The following FGD1 variants were observed in gnomAD, a reference collection of about 807,000 sequenced individuals.
FGD1 encodes the protein FYVE, RhoGEF and PH domain containing 1.
FGD1 carries 12 observed loss-of-function variants against 65.0 expected under a neutral mutation model. The observed-to-expected ratio is 0.18, with a 90% CI of 0.12 to 0.30. The LOEUF (loss-of-function observed/expected upper bound fraction) is 0.30, where lower values mean the gene tolerates loss of function less well. FGD1 is among the 10% of genes least tolerant of loss of function. FGD1 has a pLI of 1.00. For missense variants in FGD1, 542 were observed against 837.6 expected, an observed-to-expected ratio of 0.65 and a Z score of 4.36; for synonymous variants, 333 against 343.9, an observed-to-expected ratio of 0.97 and a Z score of 0.35.
chrX:54,477,939 G>A (rs964026041), intron 1 of FGD1, among the ~76,000 whole-genome samples: 3 of 108,478 alleles, frequency 2.8e-5, no homozygotes, highest in Non-Finnish European at 5.7e-5. Context: ...CCAACATGGC[G>A]AAACACCGTC....
At chrX:54,452,431 T>C (rs755789650) in intron 12 of FGD1, among the ~76,000 whole-genome samples, 1 of 110,267 alleles carries the variant, frequency 9.1e-6, no homozygotes, top group East Asian at 2.8e-4. Context: ...AATAAGTGGT[T>C]GTACACCCTG....
At chrX:54,494,720 G>A (rs914028562) in intron 1 of FGD1, among the ~76,000 whole-genome samples, 1 of 111,348 alleles carries the variant, frequency 9.0e-6, no homozygotes, top group African/African-American at 3.3e-5. Flanking sequence ...CCAGTCCAGT[G>A]CCTGGTACAA....
intron 8 of FGD1, among the ~76,000 whole-genome samples, chrX:54,461,318 G>A (rs764631379): frequency 1.8e-5 from 2 of 109,526 alleles, no homozygotes; most frequent in African/African-American, 3.3e-5. Flanking sequence ...AATAGGGGTC[G>A]TTGGCCGGGC....
chrX:54,453,192 G>T (rs1159906315), intron 12 of FGD1, among the ~76,000 whole-genome samples: 1 of 110,958 alleles, frequency 9.0e-6, no homozygotes, highest in African/African-American at 3.3e-5. Flanking sequence ...TGGATGTGCA[G>T]GGCATCTGCT....
rs1376584350 is a variant in FGD1, at chrX:54,456,517, G to A, written c.1687C>T (p.Arg563Cys). The part of the protein sequence containing the change: ...TAAEHSNAAI[R>C]KMERMHKLLK... ...CTAGAAGGGCCACTCACCATTTTGCGGATGGCAGCATTCGAGTGCTCTGCT... is the reference window on the plus strand; with the variant it reads ...CTAGAAGGGCCACTCACCATTTTGCAGATGGCAGCATTCGAGTGCTCTGCT... The change falls in exon 9 of 18, where the codon CGC becomes TGC. Residue 563 changes from arginine to cysteine, a missense_variant. Physicochemically the swap from Arg to Cys is radical, Grantham distance 180. This residue lies in a region of FGD1 where 41 missense variants were observed against 109.5 expected (regional missense o/e 0.37). Transcript: ENST00000375135. The A allele has an allele frequency of 3.3e-6, 4 of 1,211,238 alleles. No individual in the cohort carries two copies. Among genetic ancestry groups the A allele is most frequent in the South Asian group, 3.5e-5 (2 of 56,905 alleles).
At chrX:54,475,927 G>A (rs1350699884) in intron 1 of FGD1, among the ~76,000 whole-genome samples, 2 of 111,821 alleles carry the variant, frequency 1.8e-5, no homozygotes, top group East Asian at 2.8e-4. Context: ...TTAGCTGGGC[G>A]TGGTGGCGCA....
chrX:54,453,119 C>A (rs1242651658), intron 12 of FGD1, among the ~76,000 whole-genome samples: 1 of 111,836 alleles, frequency 8.9e-6, no homozygotes, highest in Non-Finnish European at 1.9e-5. Flanking sequence ...GGCCCAGTGT[C>A]CCACTGCAGC....
chrX:54,450,955 A>C (rs1197024696), intron 12 of FGD1, among the ~76,000 whole-genome samples: 2 of 110,340 alleles, frequency 1.8e-5, no homozygotes, highest in African/African-American at 6.6e-5. Context: ...GGGCTGAGGC[A>C]TGAGAATCGC....
chrX:54,482,236 G>GCGCGCGCGCACACACACACACACA (rs796491256), intron 1 of FGD1, among the ~76,000 whole-genome samples: 2 of 99,390 alleles, frequency 2.0e-5, no homozygotes, highest in African/African-American at 7.7e-5. Context: ...GCACACGCGC[G>GCGCGCGCGCACACACACACACACA]CACACACACA....
At chrX:54,489,768 A>T (rs769260495) in intron 1 of FGD1, among the ~76,000 whole-genome samples, 1 of 111,853 alleles carries the variant, frequency 8.9e-6, no homozygotes, top group East Asian at 2.8e-4. Flanking sequence ...TGTGGAAAGC[A>T]GTTTGGTGAT....
At chrX:54,462,389 CTT>C (rs1158349272) in intron 8 of FGD1, among the ~76,000 whole-genome samples, 6 of 79,572 alleles carry the variant, frequency 7.5e-5, no homozygotes, top group African/African-American at 1.4e-4. Context: ...ACTTCCCATT[CTT>C]TTTTTTTTTT....
chrX:54,495,567 C>A lies in FGD1; in HGVS notation c.-135G>T. 1 of 356,079 alleles carries A rather than the reference C, an allele frequency of 2.8e-6. No homozygotes were observed. 29.3% of individuals were successfully genotyped at this position (356,079 alleles called of 1,213,427 possible). The stretch of plus-strand genomic sequence containing the variant: ...GGGGGCGGGACTGCGGGCTCAGCCC[C>A]ACTGCAGAGACTCAAGCCCCCAGCC... On this transcript the variant is annotated 5_prime_UTR_variant, in exon 1 of 18. Transcript: ENST00000375135.
chrX:54,450,499 C>T (rs1338434833), intron 12 of FGD1, among the ~76,000 whole-genome samples, 198 bp from the exon 13 acceptor site: 1 of 111,450 alleles, frequency 9.0e-6, no homozygotes, highest in Non-Finnish European at 1.9e-5. Context: ...CTTTCCAGAC[C>T]CTGTGCTAAG....
intron 8 of FGD1, among the ~76,000 whole-genome samples, chrX:54,460,514 G>C (rs1325780620): frequency 8.9e-6 from 1 of 112,372 alleles, no homozygotes; most frequent in Non-Finnish European, 1.9e-5. Context: ...AGGGCGAGGC[G>C]GGTGGATCAC....
At chrX:54,473,818 C>G (rs1195638171) in intron 1 of FGD1, among the ~76,000 whole-genome samples, 1 of 110,392 alleles carries the variant, frequency 9.1e-6, no homozygotes, top group Non-Finnish European at 1.9e-5. Flanking sequence ...AACTCTGTCT[C>G]TACAAAAATA....
At chrX:54,482,348 C>T (rs1308531802) in intron 1 of FGD1, among the ~76,000 whole-genome samples, 2 of 111,616 alleles carry the variant, frequency 1.8e-5, no homozygotes, top group African/African-American at 6.5e-5. Context: ...GCCTGGCCAC[C>T]TCCTCCCTGC....
At chrX:54,475,476 C>T (rs766371971) in intron 1 of FGD1, among the ~76,000 whole-genome samples, 3 of 108,877 alleles carry the variant, frequency 2.8e-5, no homozygotes, top group Non-Finnish European at 3.8e-5. Context: ...CCCCTCAACC[C>T]TGTCCACAGG....
rs771327633 is a variant in FGD1 at position 54,467,772 on chromosome X, A to G, written c.1340+12T>C. On this transcript the variant is annotated intron_variant, in intron 6 of 17. Coordinates refer to ENST00000375135, the MANE Select transcript of FGD1 (RefSeq NM_004463.3). ...ACAGGGGAGTGGGCAGTCTAGGTCTAGGGCCCCTCACCATTCCTCCATGCG... is the reference window on the plus strand; with the variant it reads ...ACAGGGGAGTGGGCAGTCTAGGTCTGGGGCCCCTCACCATTCCTCCATGCG... 13 of 1,165,930 alleles carry G rather than the reference A, an allele frequency of 1.1e-5. No homozygotes were observed. In the African/African-American group the frequency reaches 2.1e-4, roughly 19 times the overall value.
At chrX:54,451,116 T>G (rs1439171965) in intron 12 of FGD1, among the ~76,000 whole-genome samples, 1 of 110,140 alleles carries the variant, frequency 9.1e-6, no homozygotes, top group African/African-American at 3.3e-5. Flanking sequence ...TTTTTTCATT[T>G]GTAAAATGGA....
Sources: gnomAD v4.1 joint callset for allele counts (sites outside exome capture counted in the v4.1 genomes callset) on GRCh38, gnomAD v4.1.1 for gene constraint, gnomAD v4.1.1 regional missense constraint, MANE v1.5 for transcripts, NCBI Gene and HGNC (gene_info 2026-07-23, HGNC 2026-07-21) for gene names.